Variants in ERBB4 observed in about 807,000 individuals in gnomAD.
ERBB4 encodes the protein receptor tyrosine-protein kinase erbB-4.
In ERBB4, 42 loss-of-function variants were observed where a neutral mutation model predicts 158.0. That is an observed-to-expected ratio of 0.27 (90% CI 0.21 to 0.34). The LOEUF (loss-of-function observed/expected upper bound fraction) is 0.34, where lower values mean the gene tolerates loss of function less well. Among genes scored for constraint, ERBB4 ranks in the 10% least tolerant of loss-of-function variants. The pLI, the probability that ERBB4 is intolerant of heterozygous loss-of-function variation, is 1.00. For missense variants in ERBB4, 1,333 were observed against 1,624.1 expected (o/e 0.82, Z 3.08); for synonymous variants, 583 against 558.7 (o/e 1.04, Z -0.61).
chr2:212,136,365 G>A lies in ERBB4; in HGVS notation c.83-11462C>T, dbSNP rs573958390. On this transcript the variant is annotated intron_variant, in intron 1 of 27. Coordinates refer to ENST00000342788, the MANE Select transcript of ERBB4 (RefSeq NM_005235.3). The stretch of plus-strand genomic sequence containing the variant: ...ATAATATGCAATAGGCACTATCTAG[G>A]GTAAATGTTCAATCAGCTTACACTA... 9.2e-5 allele frequency among the ~76,000 whole-genome samples: 14 copies of A among 152,176 alleles called. No individual in the cohort carries two copies. In the South Asian group the frequency reaches 2.9e-3, roughly 32 times the overall value.
At chr2:211,869,979 T>C (rs1319405856) in intron 3 of ERBB4, among the ~76,000 whole-genome samples, 1 of 152,166 alleles carries the variant, frequency 6.6e-6, no homozygotes, top group Non-Finnish European at 1.5e-5. Context: ...AAAGTATTTG[T>C]GACCTAGACT....
chr2:211,644,564 A>T (rs1399433037), intron 16 of ERBB4, among the ~76,000 whole-genome samples: 3 of 152,006 alleles, frequency 2.0e-5, no homozygotes, highest in African/African-American at 7.2e-5. Context: ...ATAAATCATT[A>T]CTACTAAGGA....
chr2:212,494,543 C>G (rs925538126), intron 1 of ERBB4, among the ~76,000 whole-genome samples: 2 of 151,948 alleles, frequency 1.3e-5, no homozygotes, highest in Non-Finnish European at 2.9e-5. Flanking sequence ...CAATTAACTC[C>G]ACCCAGCTAT....
intron 1 of ERBB4, among the ~76,000 whole-genome samples, chr2:212,376,168 A>G (rs986856309): frequency 6.6e-6 from 1 of 152,116 alleles, no homozygotes; most frequent in Non-Finnish European, 1.5e-5. Flanking sequence ...TGCCAAAACC[A>G]TTGTGCCCAG....
chr2:211,558,889 G>A (rs1159259395), intron 20 of ERBB4, among the ~76,000 whole-genome samples: 2 of 151,886 alleles, frequency 1.3e-5, no homozygotes, highest in African/African-American at 2.4e-5. Context: ...TTTAGATTCC[G>A]GGAATAAATG....
chr2:211,881,609 G>A (rs2078665243), intron 3 of ERBB4, among the ~76,000 whole-genome samples: 1 of 139,358 alleles, frequency 7.2e-6, no homozygotes, highest in Non-Finnish European at 1.6e-5. Flanking sequence ...GGTCGGGGGG[G>A]CTGAGATTTG....
intron 20 of ERBB4, among the ~76,000 whole-genome samples, chr2:211,492,274 TG>T (rs1037606519): frequency 6.6e-6 from 1 of 152,112 alleles, no homozygotes; most frequent in African/African-American, 2.4e-5. Flanking sequence ...ATTCTGATTT[TG>T]GGGGGAGCAT....
intron 1 of ERBB4, among the ~76,000 whole-genome samples, chr2:212,477,088 C>T (rs988833866): frequency 1.3e-5 from 2 of 152,110 alleles, no homozygotes; most frequent in Non-Finnish European, 2.9e-5. Flanking sequence ...ATGTGAAACA[C>T]TTAGCATAAT....
At chr2:212,129,212 G>T (rs1575674573) in intron 1 of ERBB4, among the ~76,000 whole-genome samples, 1 of 151,286 alleles carries the variant, frequency 6.6e-6, no homozygotes, top group Non-Finnish European at 1.5e-5. Flanking sequence ...CTCTCAATTG[G>T]AAATAATACT....
chr2:211,807,234 G>A (rs1363113901), intron 3 of ERBB4, among the ~76,000 whole-genome samples: 1 of 151,934 alleles, frequency 6.6e-6, no homozygotes, highest in Admixed American at 6.6e-5. Flanking sequence ...ATGTTGGTTT[G>A]CTGCACCCAT....
chr2:211,593,494 C>A (rs1202514517), intron 19 of ERBB4, among the ~76,000 whole-genome samples: 1 of 152,170 alleles, frequency 6.6e-6, no homozygotes, highest in Non-Finnish European at 1.5e-5. Flanking sequence ...CAAGTTGTAT[C>A]TCTTTCACAT....
At chr2:212,479,432 ACTT>A (rs1387519066) in intron 1 of ERBB4, among the ~76,000 whole-genome samples, 7 of 152,274 alleles carry the variant, frequency 4.6e-5, no homozygotes, top group Middle Eastern at 3.4e-3. Context: ...CCCCAAGAGG[ACTT>A]CTTAATTTGC....
chr2:212,131,390 G>C (rs2080103129), intron 1 of ERBB4, among the ~76,000 whole-genome samples: 1 of 152,104 alleles, frequency 6.6e-6, no homozygotes, highest in African/African-American at 2.4e-5. Flanking sequence ...AAACTCTTTA[G>C]CTTGTAAGAA....
chr2:211,535,490 T>C (rs1241819172), intron 20 of ERBB4, among the ~76,000 whole-genome samples: 1 of 152,014 alleles, frequency 6.6e-6, no homozygotes, highest in Non-Finnish European at 1.5e-5. Context: ...TTGGCATTCC[T>C]GTGCTTCAGT....
chr2:212,137,459 G>T (rs1247132006), intron 1 of ERBB4, among the ~76,000 whole-genome samples: 1 of 152,054 alleles, frequency 6.6e-6, no homozygotes, highest in Non-Finnish European at 1.5e-5. Flanking sequence ...TAGTATGCTA[G>T]GGATAACGGT....
At position 212,244,809 on chromosome 2, in the gene ERBB4, G is replaced by A. The variant is rs928678889; in HGVS notation, c.83-119906C>T. Among the ~76,000 whole-genome samples the A allele has an allele frequency of 2.9e-4, 44 of 152,040 alleles. 1 individual carries two copies. The highest frequency in any genetic ancestry group is 2.9e-5 in the Non-Finnish European group (2 of 68,014). On this transcript the variant is annotated intron_variant, in intron 1 of 27. Coordinates refer to ENST00000342788, the MANE Select transcript of ERBB4 (RefSeq NM_005235.3). ...TGATCTCATCCCACTTTCTAAATAT[G>A]TGCCTTGTTTCCTTCCTCTATAATA... is the stretch of plus-strand genomic sequence containing the variant.
intron 1 of ERBB4, among the ~76,000 whole-genome samples, chr2:212,351,344 T>C (rs1046270297): frequency 6.6e-6 from 1 of 152,206 alleles, no homozygotes; most frequent in East Asian, 1.9e-4. Flanking sequence ...TCCAGAACTA[T>C]GGTAAAATAA....
intron 16 of ERBB4, among the ~76,000 whole-genome samples, chr2:211,633,213 T>C (rs1231637932): frequency 6.6e-6 from 1 of 152,022 alleles, no homozygotes; most frequent in Non-Finnish European, 1.5e-5. Context: ...AGTTATAGAG[T>C]CTTTTTGGAA....
rs187070019 is a variant in ERBB4 at position 212,052,908 on chromosome 2, G to A, written c.234+71844C>T. 3.4e-3 allele frequency among the ~76,000 whole-genome samples: 517 copies of A among 152,280 alleles called. 1 individual carries two copies. Among genetic ancestry groups the A allele is most frequent in the Non-Finnish European group, 5.1e-3 (348 of 68,000 alleles). On this transcript the variant is annotated intron_variant, in intron 2 of 27. Coordinates refer to ENST00000342788, the MANE Select transcript of ERBB4 (RefSeq NM_005235.3). ...TCTGTTCTCCCATTTGACATCACCCGAATAAAAAAGCTTTCTTTCCTGACA... is the reference window on the plus strand; with the variant it reads ...TCTGTTCTCCCATTTGACATCACCCAAATAAAAAAGCTTTCTTTCCTGACA...
Sources: allele counts gnomAD v4.1 joint callset (sites outside exome capture counted in the v4.1 genomes callset), GRCh38; gene constraint gnomAD v4.1.1; transcripts MANE v1.5; gene names NCBI Gene and HGNC (gene_info 2026-07-23, HGNC 2026-07-21).